STAB1: variants seen among roughly 807,000 people sequenced by gnomAD.
STAB1 encodes stabilin 1.
Under a neutral mutation model 332.4 loss-of-function variants are expected in STAB1, and 250 were observed. The ratio of observed to expected loss-of-function variants is 0.75; its 90% CI spans 0.68 to 0.84. STAB1 has a LOEUF of 0.84. STAB1 is among the 40% of genes least tolerant of loss of function. STAB1 has a pLI of 0.00. For synonymous variants in STAB1, 1,475 were observed against 1,390.4 expected (o/e 1.06, Z -1.35); for missense variants, 3,249 against 3,489.7 (o/e 0.93, Z 1.74).
chr3:52,512,215 C>A, intron 26 of STAB1, 126 bp from the exon 27 acceptor site: 1 of 878,200 alleles, frequency 1.1e-6, no homozygotes, highest in Non-Finnish European at 1.9e-6. Flanking sequence ...CCAACACAGA[C>A]TGGGTGGCTG....
At chr3:52,509,646 G>C (rs1709144251) in intron 22 of STAB1, among the ~76,000 whole-genome samples, 1 of 152,248 alleles carries the variant, frequency 6.6e-6, no homozygotes, top group South Asian at 2.1e-4. Context: ...CCTGATGGTG[G>C]TGTTGGGATC....
chr3:52,512,796 T>C, intron 28 of STAB1, 32 bp from the exon 29 acceptor site: 3 of 1,604,584 alleles, frequency 1.9e-6, no homozygotes, highest in Non-Finnish European at 2.6e-6. Context: ...CCTTCCTCGC[T>C]CCTCCCGCCC....
intron 25 of STAB1, among the ~76,000 whole-genome samples, chr3:52,510,893 G>A (rs1218938253): frequency 1.3e-5 from 2 of 152,246 alleles, no homozygotes; most frequent in Non-Finnish European, 2.9e-5. Context: ...TCCATGTGGA[G>A]CATTTCAGGA....
In STAB1 at chr3:52,502,166, T is replaced by G. The variant is rs1708498245; in HGVS notation, c.425T>G (p.Phe142Cys). 6.2e-7 allele frequency: 1 copy of G among 1,613,356 alleles called. No homozygotes were observed. The highest frequency in any genetic ancestry group is 2.2e-5 in the East Asian group (1 of 44,874). ...TGGTGCATCCACCACCAGGAAAACTTCCGCGGCTCAGCCTGCCAGGAGTGC... is the reference window on the plus strand; with the variant it reads ...TGGTGCATCCACCACCAGGAAAACTGCCGCGGCTCAGCCTGCCAGGAGTGC... ...RNGTCVCQEN[F>C]RGSACQECQD... Residue 142 changes from phenylalanine to cysteine, a missense_variant, in exon 5 of 69, where the codon TTC becomes TGC. Coordinates refer to ENST00000321725, the MANE Select transcript of STAB1 (RefSeq NM_015136.3).
chr3:52,524,274 C>G, intron 68 of STAB1, 26 bp from the exon 69 acceptor site: 1 of 1,613,866 alleles, frequency 6.2e-7, no homozygotes, highest in Non-Finnish European at 8.5e-7. Context: ...TGGTCACACC[C>G]TCCACCACCA....
At position 52,523,439 on chromosome 3, in the gene STAB1, CCA is replaced by C; in HGVS notation, c.7154_7155del (p.Pro2385ArgfsTer34). The C allele has an allele frequency of 6.2e-7, 1 of 1,609,020 alleles. No homozygotes were observed. Among genetic ancestry groups the C allele is most frequent in the Non-Finnish European group, 8.5e-7 (1 of 1,177,232 alleles). On this transcript the variant is annotated frameshift_variant, in exon 65 of 69. Coordinates refer to ENST00000321725, the MANE Select transcript of STAB1 (RefSeq NM_015136.3). LOFTEE classifies it high-confidence loss of function. ...GFVDNMTLSG[P>X]DLELHASNAT... ...GCTCTGCTCACAGACGCTGAGTGGC[CCA>C]GACTTGGAGCTGCATGCCTCCAACG...
chr3:52,501,976 C>T (rs761441403), intron 3 of STAB1, 30 bp from the exon 4 acceptor site: 1 of 1,610,062 alleles, frequency 6.2e-7, no homozygotes, highest in South Asian at 1.1e-5. Flanking sequence ...GGGTTCTGGG[C>T]ACAGAGCTGA....
chr3:52,495,927 G>A (rs1049862668), intron 1 of STAB1, among the ~76,000 whole-genome samples: 2 of 152,180 alleles, frequency 1.3e-5, no homozygotes, highest in African/African-American at 2.4e-5. Flanking sequence ...CAAGAGTACC[G>A]GGAAGCAGAA....
At position 52,524,287 on chromosome 3, in the gene STAB1, C is replaced by A; in HGVS notation, c.7657-13C>A. ...CCTGGTCACACCCTCCACCACCAAC[C>A]CTGCTCTTCTAGGACTCACTGCTGG... On this transcript the variant is annotated splice_polypyrimidine_tract_variant and intron_variant, in intron 68 of 68. Coordinates refer to ENST00000321725, the MANE Select transcript of STAB1 (RefSeq NM_015136.3). 6.2e-7 allele frequency: 1 copy of A among 1,613,912 alleles called. No individual in the cohort carries two copies. Among genetic ancestry groups the A allele is most frequent in the East Asian group, 2.2e-5 (1 of 44,872 alleles).
chr3:52,514,167 T>G lies in STAB1; in HGVS notation c.3500T>G (p.Val1167Gly). ...IEAATAYTIF[V>G]PTNRSLEAQG... ...GCTGCCACTGCCTACACCATCTTTG[T>G]GCCCACCAACCGCTCCCTGGAGGCC... Residue 1167 changes from valine to glycine, a missense_variant, in exon 33 of 69, where the codon GTG becomes GGG. Val to Gly is a moderately radical substitution (Grantham distance 109). Transcript: ENST00000321725. 6.2e-7 allele frequency: 1 copy of G among 1,613,408 alleles called. No individual in the cohort carries two copies. The highest frequency in any genetic ancestry group is 8.5e-7 in the Non-Finnish European group (1 of 1,179,986).
Position 52,516,557 on chromosome 3 carries a change from A to T in STAB1, c.4256A>T (p.Gln1419Leu). Reference protein sequence around the residue: ...LRCDQKITSPQCPRKCDPNAN... With the variant: ...LRCDQKITSPLCPRKCDPNAN... The stretch of plus-strand genomic sequence containing the variant: ...TGCCCCCCAGAAATCACCAGCCCTC[A>T]GTGCCCTAGGAAGTGCGACCCCAAT... The change falls in exon 40 of 69, where the codon CAG becomes CTG. Residue 1419 changes from glutamine (Q) to leucine (L), a missense_variant. Coordinates refer to ENST00000321725, the MANE Select transcript of STAB1 (RefSeq NM_015136.3). 6.2e-7 allele frequency: 1 copy of T among 1,613,208 alleles called. No homozygotes were observed. Among genetic ancestry groups the T allele is most frequent in the Non-Finnish European group, 8.5e-7 (1 of 1,179,978 alleles).
At position 52,502,146 on chromosome 3, in the gene STAB1, C is replaced by G. The variant is rs756706101; in HGVS notation, c.418-13C>G. 2 of 1,613,530 alleles carry G rather than the reference C, an allele frequency of 1.2e-6. No homozygotes were observed. The highest frequency in any genetic ancestry group is 1.7e-6 in the Non-Finnish European group (2 of 1,180,004). The stretch of plus-strand genomic sequence containing the variant: ...TCAGAGGGGCCACGCTGACTTGGTG[C>G]ATCCACCACCAGGAAAACTTCCGCG... On this transcript the variant is annotated splice_polypyrimidine_tract_variant and intron_variant, in intron 4 of 68. Coordinates refer to ENST00000321725, the MANE Select transcript of STAB1 (RefSeq NM_015136.3).
chr3:52,496,581 G>A (rs1708043415), intron 1 of STAB1, among the ~76,000 whole-genome samples: 1 of 152,224 alleles, frequency 6.6e-6, no homozygotes, highest in South Asian at 2.1e-4. Flanking sequence ...AAGATATGAG[G>A]CTGAGAAGGC....
rs1029750932 is a variant in STAB1, at chr3:52,502,851, G to C, written c.583+124G>C. On this transcript the variant is annotated intron_variant, in intron 6 of 68. Coordinates refer to ENST00000321725, the MANE Select transcript of STAB1 (RefSeq NM_015136.3). ...CTCCGCCTGGAGCCTAGTTGGGGAA[G>C]GGGTGTCATCTGAGACCTCCACTGT... The C allele has an allele frequency of 7.9e-6, 10 of 1,260,154 alleles. No homozygotes were observed. The South Asian group carries it at 1.3e-4, about 16-fold the overall frequency. The allele number at this position is 1,260,154 out of a possible 1,614,324, so 78.1% of individuals were successfully genotyped here. A position where few individuals can be genotyped will look rare whatever the true frequency, so the allele number is the denominator to read the frequency against.
At chr3:52,504,301 G>A in intron 10 of STAB1, 146 bp downstream of exon 10, 1 of 1,434,180 alleles carries the variant, frequency 7.0e-7, no homozygotes, top group Non-Finnish European at 9.4e-7. Flanking sequence ...CATGCAGGGG[G>A]TGGGAGCTGC....
At chr3:52,511,897 C>T (rs886150637) in intron 26 of STAB1, 152 bp downstream of exon 26, 24 of 679,750 alleles carry the variant, frequency 3.5e-5, no homozygotes, top group Non-Finnish European at 2.6e-5. Flanking sequence ...TGTCACTCCT[C>T]TCCCCCTTCA....
chr3:52,507,780 T>C, intron 19 of STAB1, 105 bp downstream of exon 19: 1 of 1,519,158 alleles, frequency 6.6e-7, no homozygotes, highest in Non-Finnish European at 9.1e-7. Context: ...GGAGGCTAGA[T>C]CACACCTGGA....
chr3:52,521,916 G>T lies in STAB1; in HGVS notation c.6236G>T (p.Ser2079Ile), dbSNP rs747240133. Residue 2079 changes from serine to isoleucine, a missense_variant, in exon 58 of 69, where the codon AGC (serine) becomes ATC (isoleucine). Coordinates refer to ENST00000321725, the MANE Select transcript of STAB1 (RefSeq NM_015136.3). ...CGTGCAGGCAACAGCTGTGAGTGCA[G>T]CCTGGGCTATGAAGGGGATGGCCGT... Reference protein sequence around the residue: ...VCRAGNSCECSLGYEGDGRVC... With the variant: ...VCRAGNSCECILGYEGDGRVC... The T allele has an allele frequency of 1.2e-6, 2 of 1,609,446 alleles. No homozygotes were observed. The highest frequency in any genetic ancestry group is 4.5e-5 in the East Asian group (2 of 44,776).
Position 52,507,964 on chromosome 3 carries a change from G to A in STAB1, c.2086G>A (p.Asp696Asn). The A allele has an allele frequency of 6.2e-7, 1 of 1,613,658 alleles. No homozygotes were observed. Among genetic ancestry groups the A allele is most frequent in the Non-Finnish European group, 8.5e-7 (1 of 1,179,992 alleles). The stretch of plus-strand genomic sequence containing the variant: ...CCCCAAGGAGTGTGTCTACATCCAT[G>A]ACCCAACGGGGCTCAATGTGCTAAA... Reference protein sequence around the residue: ...IFPKECVYIHDPTGLNVLKKG... With the variant: ...IFPKECVYIHNPTGLNVLKKG... Residue 696 changes from aspartate (D) to asparagine (N), a missense_variant, in exon 20 of 69, where the codon GAC becomes AAC. Coordinates refer to ENST00000321725, the MANE Select transcript of STAB1 (RefSeq NM_015136.3).
Sources: gnomAD v4.1 joint callset for allele counts (sites outside exome capture counted in the v4.1 genomes callset) on GRCh38, gnomAD v4.1.1 for gene constraint, MANE v1.5 for transcripts, NCBI Gene and HGNC (gene_info 2026-07-23, HGNC 2026-07-21) for gene names.